Variants in PARD3 observed in about 807,000 individuals in gnomAD.
The protein encoded by PARD3 is partitioning defective 3 homolog.
In PARD3, 75 loss-of-function variants were observed where a neutral mutation model predicts 155.4. The ratio of observed to expected loss-of-function variants is 0.48; its 90% CI spans 0.40 to 0.58. The LOEUF (loss-of-function observed/expected upper bound fraction) is 0.58, where lower values mean the gene tolerates loss of function less well. Ranked by LOEUF, PARD3 falls within the 20% of genes least tolerant of loss-of-function variation. The pLI is 0.00. For synonymous variants in PARD3, 576 were observed against 610.5 expected (o/e 0.94, Z 0.83); for missense variants, 1,642 against 1,721.7 (o/e 0.95, Z 0.82).
intron 22 of PARD3, among the ~76,000 whole-genome samples, chr10:34,220,053 TG>T (rs1952199118): frequency 6.6e-6 from 1 of 152,208 alleles, no homozygotes; most frequent in Non-Finnish European, 1.5e-5. Context: ...GCTTGCTTTT[TG>T]GGATACAAGG....
chr10:34,157,266 T>C (rs568464911), intron 22 of PARD3, among the ~76,000 whole-genome samples: 119 of 152,316 alleles, frequency 7.8e-4, no homozygotes, highest in African/African-American at 2.8e-3. Flanking sequence ...TCCACACATC[T>C]GAGTGCCCTC....
intron 15 of PARD3, chr10:34,344,886 C>T (rs1837239254): frequency 2.0e-6 from 2 of 985,104 alleles, no homozygotes; most frequent in South Asian, 9.4e-5. Flanking sequence ...AAGTGTGCAA[C>T]TTCTGTCAAG....
chr10:34,440,090 G>A (rs1276569193), intron 5 of PARD3, among the ~76,000 whole-genome samples: 2 of 152,130 alleles, frequency 1.3e-5, no homozygotes, highest in African/African-American at 4.8e-5. Context: ...TCAAGACCAT[G>A]TTGAAGGTAA....
At chr10:34,194,464 C>A (rs1950851312) in intron 22 of PARD3, among the ~76,000 whole-genome samples, 1 of 151,912 alleles carries the variant, frequency 6.6e-6, no homozygotes, top group Non-Finnish European at 1.5e-5. Flanking sequence ...ACAGAGAAAG[C>A]AAAAAACAGA....
intron 23 of PARD3, among the ~76,000 whole-genome samples, chr10:34,130,746 G>C (rs1469284187): frequency 6.6e-6 from 1 of 152,134 alleles, no homozygotes; most frequent in Non-Finnish European, 1.5e-5. Flanking sequence ...CACACATGGG[G>C]GGTGCAAAAG....
chr10:34,168,580 T>C (rs559666466), intron 22 of PARD3, among the ~76,000 whole-genome samples: 16 of 152,252 alleles, frequency 1.1e-4, no homozygotes, highest in South Asian at 6.2e-4. Context: ...TGGTAAGTCA[T>C]TGGGAGGGCG....
intron 2 of PARD3, among the ~76,000 whole-genome samples, chr10:34,546,084 A>G (rs2084022973): frequency 6.6e-6 from 1 of 152,258 alleles, no homozygotes; most frequent in East Asian, 1.9e-4. Context: ...TAGAAATACA[A>G]TAAATAAAAT....
intron 15 of PARD3, chr10:34,346,430 G>A (rs1441885759): frequency 2.2e-6 from 3 of 1,347,930 alleles, no homozygotes; most frequent in Non-Finnish European, 3.0e-6. Flanking sequence ...GTCTGATTCA[G>A]TATGGCAAGT....
intron 22 of PARD3, among the ~76,000 whole-genome samples, chr10:34,245,856 T>C (rs373723684): frequency 4.8e-4 from 73 of 152,306 alleles, no homozygotes; most frequent in Middle Eastern, 6.8e-3. Context: ...GAGACATGTG[T>C]GCAGAGCCAG....
intron 3 of PARD3, among the ~76,000 whole-genome samples, chr10:34,497,932 G>C (rs1431418826): frequency 6.6e-6 from 1 of 152,096 alleles, no homozygotes; most frequent in Non-Finnish European, 1.5e-5. Context: ...CACATACTTA[G>C]ATCTTGGAAA....
intron 21 of PARD3, among the ~76,000 whole-genome samples, chr10:34,271,352 C>A (rs183583094): frequency 7.6e-4 from 116 of 152,154 alleles, no homozygotes; most frequent in Middle Eastern, 3.4e-3. Context: ...AGAAATTATA[C>A]ACCGTGACCA....
intron 2 of PARD3, among the ~76,000 whole-genome samples, chr10:34,587,390 G>A (rs545621593): frequency 5.3e-5 from 8 of 152,252 alleles, no homozygotes; most frequent in South Asian, 2.1e-4. Context: ...GTCAGCCACC[G>A]TGCAAAGCCT....
chr10:34,700,134 T>C (rs540535618), intron 1 of PARD3, among the ~76,000 whole-genome samples: 4 of 152,096 alleles, frequency 2.6e-5, no homozygotes, highest in Non-Finnish European at 4.4e-5. Flanking sequence ...ATCCATCAAA[T>C]AGATGATCAA....
chr10:34,398,444 A>G (rs529788959), intron 7 of PARD3, among the ~76,000 whole-genome samples: 1 of 152,318 alleles, frequency 6.6e-6, no homozygotes, highest in African/African-American at 2.4e-5. Flanking sequence ...ATGTAAAGAA[A>G]GTTAAAATAA....
intron 1 of PARD3, among the ~76,000 whole-genome samples, chr10:34,808,814 C>T (rs928033558): frequency 6.6e-6 from 1 of 152,186 alleles, no homozygotes. Flanking sequence ...TCCATGTCTA[C>T]CACAAGCCAA....
chr10:34,214,348 G>T (rs1318356545), intron 22 of PARD3, among the ~76,000 whole-genome samples: 3 of 152,140 alleles, frequency 2.0e-5, no homozygotes, highest in African/African-American at 7.2e-5. Context: ...CTATACATGT[G>T]ATTCTTATCA....
At chr10:34,326,954 T>C (rs1835090992) in intron 19 of PARD3, among the ~76,000 whole-genome samples, 1 of 152,264 alleles carries the variant, frequency 6.6e-6, no homozygotes, top group African/African-American at 2.4e-5. Context: ...AGGAGATATT[T>C]AGTTTTGCTG....
chr10:34,620,882 T>C (rs2091624991), intron 2 of PARD3, among the ~76,000 whole-genome samples: 1 of 152,162 alleles, frequency 6.6e-6, no homozygotes, highest in Non-Finnish European at 1.5e-5. Context: ...CACAAAAAAA[T>C]ACATCTTGCC....
intron 23 of PARD3, among the ~76,000 whole-genome samples, chr10:34,128,514 AG>A (rs1447529807): frequency 6.6e-6 from 1 of 152,204 alleles, no homozygotes; most frequent in African/African-American, 2.4e-5. Flanking sequence ...TCTGTTCAAC[AG>A]TGCGATATTA....
Sources: allele counts gnomAD v4.1 joint callset (sites outside exome capture counted in the v4.1 genomes callset), GRCh38; gene constraint gnomAD v4.1.1; transcripts MANE v1.5; gene names NCBI Gene and HGNC (gene_info 2026-07-23, HGNC 2026-07-21).